The following MALRD1 variants were observed in gnomAD, a reference collection of about 807,000 sequenced individuals.
MALRD1 encodes MAM and LDL receptor class A domain containing 1, also known as MAM and LDL-receptor class A domain-containing protein 1.
MALRD1 carries 247 observed loss-of-function variants against 242.1 expected under a neutral mutation model. That is an observed-to-expected ratio of 1.02 (90% confidence interval 0.92 to 1.13). The LOEUF (loss-of-function observed/expected upper bound fraction) is 1.13, where lower values mean the gene tolerates loss of function less well. Among genes scored for constraint, MALRD1 ranks in the 50% most tolerant of loss-of-function variants. MALRD1 has a pLI of 0.00. For synonymous variants in MALRD1, 995 were observed against 866.6 expected (o/e 1.15, Z -2.60); for missense variants, 2,989 against 2,533.1 (o/e 1.18, Z -3.86).
rs1386355775 is a variant in MALRD1 at position 19,324,106 on chromosome 10, G to A, written c.3576+1G>A. On this transcript the variant is annotated splice_donor_variant, in intron 22 of 39. Coordinates refer to ENST00000454679, the MANE Select transcript of MALRD1 (RefSeq NM_001142308.3). LOFTEE classifies it high-confidence loss of function. ...TGGGGCCACCGTTGGTTCTCTCCAGGTACTGCTTAGGCAATCACATTTTCT... is the reference window on the plus strand; with the variant it reads ...TGGGGCCACCGTTGGTTCTCTCCAGATACTGCTTAGGCAATCACATTTTCT... 3 of 1,549,688 alleles carry A rather than the reference G, an allele frequency of 1.9e-6. No individual in the cohort carries two copies. Among genetic ancestry groups the A allele is most frequent in the African/African-American group, 1.4e-5 (1 of 72,962 alleles).
intron 18 of MALRD1, among the ~76,000 whole-genome samples, chr10:19,222,146 T>C (rs2131667362): frequency 6.6e-6 from 1 of 152,072 alleles, no homozygotes; most frequent in African/African-American, 2.4e-5. Flanking sequence ...TCTCCTTGAG[T>C]TTCCTTCTTG....
chr10:19,730,853 C>A, intron 39 of MALRD1, 72 bp downstream of exon 39: 1 of 1,297,010 alleles, frequency 7.7e-7, no homozygotes, highest in Non-Finnish European at 1.1e-6. Context: ...CACACACAGG[C>A]TGAACCAGTG....
chr10:19,581,219 T>G (rs1383875347), intron 33 of MALRD1, among the ~76,000 whole-genome samples: 1 of 151,884 alleles, frequency 6.6e-6, no homozygotes, highest in Non-Finnish European at 1.5e-5. Context: ...ATTTATTTAT[T>G]TATTTATTTA....
At chr10:19,700,710 G>T (rs73595896) in intron 38 of MALRD1, among the ~76,000 whole-genome samples, 2 of 151,770 alleles carry the variant, frequency 1.3e-5, no homozygotes, top group Non-Finnish European at 2.9e-5. Flanking sequence ...TCTGATTTCC[G>T]TAATCTCCAA....
At chr10:19,438,028 T>A (rs1259449002) in intron 28 of MALRD1, among the ~76,000 whole-genome samples, 5 of 151,214 alleles carry the variant, frequency 3.3e-5, no homozygotes, top group Admixed American at 2.6e-4. Context: ...GAGTTTTAGA[T>A]TTTTTTATTT....
chr10:19,459,705 A>T (rs151328778), intron 29 of MALRD1, among the ~76,000 whole-genome samples: 1 of 152,010 alleles, frequency 6.6e-6, no homozygotes, highest in African/African-American at 2.4e-5. Context: ...ATACTGCTTT[A>T]TCTCTCAATA....
intron 34 of MALRD1, among the ~76,000 whole-genome samples, chr10:19,601,606 A>T (rs1219097105): frequency 6.6e-6 from 1 of 152,048 alleles, no homozygotes; most frequent in Non-Finnish European, 1.5e-5. Context: ...GAAAAAAGTA[A>T]AGCTTTTTAT....
chr10:19,277,392 C>T (rs1300907103), intron 19 of MALRD1, among the ~76,000 whole-genome samples: 1 of 152,202 alleles, frequency 6.6e-6, no homozygotes, highest in Non-Finnish European at 1.5e-5. Flanking sequence ...GTAGACTGAG[C>T]TCTACCTGGT....
intron 21 of MALRD1, among the ~76,000 whole-genome samples, chr10:19,306,249 T>C (rs1257886012): frequency 1.5e-5 from 2 of 131,078 alleles, no homozygotes; most frequent in African/African-American, 5.5e-5. Flanking sequence ...ATATATACTA[T>C]ACTATAGTAT....
In MALRD1 at chr10:19,347,768, C is replaced by G. The variant is rs1347020041; in HGVS notation, c.3902-3C>G. 1 of 1,548,970 alleles carries G rather than the reference C, an allele frequency of 6.5e-7. No individual in the cohort carries two copies. The highest frequency in any genetic ancestry group is 1.4e-5 in the African/African-American group (1 of 72,904). ...GTAACATATATTTGGAAATATTTTC[C>G]AGGTACCTCCAGTGGGCGCTGTGAT... On this transcript the variant is annotated splice_region_variant and splice_polypyrimidine_tract_variant and intron_variant, in intron 24 of 39. Transcript: ENST00000454679.
rs34888584 is a variant in MALRD1 at position 19,232,341 on chromosome 10, ATT to A, written c.2991+22676_2991+22677del. 4.7e-3 allele frequency among the ~76,000 whole-genome samples: 649 copies of A among 137,760 alleles called. 2 individuals are homozygous for A. Among genetic ancestry groups the A allele is most frequent in the Admixed American group, 5.9e-3 (83 of 14,092 alleles). The allele number at this position is 137,760 out of a possible 152,430, so 90.4% of individuals were successfully genotyped here. ...GCCACGACACCCAGCTAATTTTTGT[ATT>A]TTTTTTTTTTTTTTAGTAGAGATGG... On this transcript the variant is annotated intron_variant, in intron 18 of 39. Transcript: ENST00000454679.
intron 18 of MALRD1, among the ~76,000 whole-genome samples, chr10:19,234,907 G>T (rs1331284529): frequency 6.6e-6 from 1 of 152,168 alleles, no homozygotes; most frequent in Non-Finnish European, 1.5e-5. Context: ...GTGGGTAGGA[G>T]ATGGCCCATG....
intron 2 of MALRD1, among the ~76,000 whole-genome samples, chr10:19,070,295 C>T (rs969004769): frequency 6.6e-6 from 1 of 152,116 alleles, no homozygotes; most frequent in Non-Finnish European, 1.5e-5. Context: ...TTGCCAAGAA[C>T]ATACACATTA....
At chr10:19,346,215 C>G (rs1432621902) in intron 24 of MALRD1, among the ~76,000 whole-genome samples, 1 of 152,042 alleles carries the variant, frequency 6.6e-6, no homozygotes, top group Non-Finnish European at 1.5e-5. Context: ...AAACAAAAAC[C>G]TCACTGATTT....
intron 12 of MALRD1, among the ~76,000 whole-genome samples, chr10:19,164,660 T>C (rs74118812): frequency 0.012 from 1,897 of 152,268 alleles, 42 homozygotes; most frequent in African/African-American, 0.043. Context: ...CCAAACAACA[T>C]TGAGGGAATT....
chr10:19,144,150 T>C (rs1833645301), intron 10 of MALRD1, among the ~76,000 whole-genome samples: 1 of 152,172 alleles, frequency 6.6e-6, no homozygotes, highest in African/African-American at 2.4e-5. Context: ...TTTTTATTTG[T>C]AGGGAAATCC....
At chr10:19,361,944 T>A (rs1199830337) in intron 26 of MALRD1, among the ~76,000 whole-genome samples, 1 of 151,462 alleles carries the variant, frequency 6.6e-6, no homozygotes, top group African/African-American at 2.5e-5. Context: ...AAGATTCAAA[T>A]TTTTTTCCCA....
intron 26 of MALRD1, among the ~76,000 whole-genome samples, chr10:19,375,483 C>T (rs1278125829): frequency 3.3e-5 from 5 of 151,996 alleles, no homozygotes; most frequent in African/African-American, 4.8e-5. Context: ...AGATCTTAAT[C>T]TTGTTGATAT....
chr10:19,600,613 C>CTGCA (rs1447468612), intron 34 of MALRD1, among the ~76,000 whole-genome samples: 1 of 152,146 alleles, frequency 6.6e-6, no homozygotes, highest in Non-Finnish European at 1.5e-5. Context: ...TATTGACCTG[C>CTGCA]TGCATATAGA....
Sources: gnomAD v4.1 joint callset for allele counts (sites outside exome capture counted in the v4.1 genomes callset) on GRCh38, gnomAD v4.1.1 for gene constraint, MANE v1.5 for transcripts, NCBI Gene and HGNC (gene_info 2026-07-23, HGNC 2026-07-21) for gene names.